Variants in GALNTL6 observed in about 807,000 individuals in gnomAD.
The protein encoded by GALNTL6 is polypeptide N-acetylgalactosaminyltransferase like 6.
GALNTL6 carries 46 observed loss-of-function variants against 73.7 expected under a neutral mutation model. The observed-to-expected ratio is 0.62, with a 90% CI of 0.49 to 0.80. The LOEUF is 0.80. Ranked by LOEUF, GALNTL6 falls within the 30% of genes least tolerant of loss-of-function variation. GALNTL6 has a pLI of 0.00. For synonymous variants in GALNTL6, 259 were observed against 263.7 expected, an observed-to-expected ratio of 0.98 and a Z score of 0.17; for missense variants, 604 against 755.0, an observed-to-expected ratio of 0.80 and a Z score of 2.34.
chr4:172,291,552 G>A (rs1293057151), intron 3 of GALNTL6, among the ~76,000 whole-genome samples: 1 of 152,034 alleles, frequency 6.6e-6, no homozygotes, highest in Non-Finnish European at 1.5e-5. Context: ...CTCTCAATAT[G>A]TAGATTTAGT....
At chr4:172,491,605 G>A (rs1733896139) in intron 5 of GALNTL6, among the ~76,000 whole-genome samples, 1 of 152,046 alleles carries the variant, frequency 6.6e-6, no homozygotes, top group Non-Finnish European at 1.5e-5. Flanking sequence ...TTGCTCTCTA[G>A]ACAAAACTCA....
intron 7 of GALNTL6, among the ~76,000 whole-genome samples, chr4:172,858,199 A>G (rs542899165): frequency 6.6e-6 from 1 of 152,214 alleles, no homozygotes; most frequent in East Asian, 1.9e-4. Context: ...AACACTTCTC[A>G]ATTTTAAACT....
chr4:172,180,607 T>A (rs1382406607), intron 2 of GALNTL6, among the ~76,000 whole-genome samples: 3 of 152,192 alleles, frequency 2.0e-5, no homozygotes, highest in Admixed American at 2.0e-4. Flanking sequence ...CTTTAATTGA[T>A]CTTGAGTTAA....
chr4:172,942,879 T>C (rs941647897), intron 9 of GALNTL6, among the ~76,000 whole-genome samples: 5 of 152,146 alleles, frequency 3.3e-5, no homozygotes, highest in Admixed American at 6.5e-5. Flanking sequence ...CTGTGGGCCA[T>C]ACATACTCAC....
intron 2 of GALNTL6, among the ~76,000 whole-genome samples, chr4:172,092,605 C>A (rs72699000): frequency 5.3e-5 from 8 of 152,066 alleles, no homozygotes; most frequent in Non-Finnish European, 8.8e-5. Context: ...AAAAAATAGT[C>A]ATTCATTTAG....
At chr4:172,171,672 T>C (rs1029962929) in intron 2 of GALNTL6, among the ~76,000 whole-genome samples, 1 of 89,130 alleles carries the variant, frequency 1.1e-5, no homozygotes, top group African/African-American at 4.4e-5. Context: ...CTATCAAAAA[T>C]ACAAAAAAAA....
intron 5 of GALNTL6, among the ~76,000 whole-genome samples, chr4:172,429,556 A>G (rs1731364195): frequency 6.6e-6 from 1 of 152,164 alleles, no homozygotes; most frequent in South Asian, 2.1e-4. Flanking sequence ...AGAGAGGTAC[A>G]CAAAACTAGA....
intron 5 of GALNTL6, among the ~76,000 whole-genome samples, chr4:172,350,771 G>T (rs11726268): frequency 0.57 from 86,688 of 151,730 alleles, 27,371 homozygotes; most frequent in South Asian, 0.72. Flanking sequence ...CCAAATTTTT[G>T]CTTTGGATTA....
chr4:171,991,443 G>C (rs1054076548), intron 2 of GALNTL6, among the ~76,000 whole-genome samples: 11 of 151,896 alleles, frequency 7.2e-5, no homozygotes, highest in African/African-American at 2.7e-4. Context: ...GTCGTTAACA[G>C]AGAGTAAGTA....
chr4:172,143,126 G>T (rs1733844028), intron 2 of GALNTL6, among the ~76,000 whole-genome samples: 1 of 152,002 alleles, frequency 6.6e-6, no homozygotes, highest in Non-Finnish European at 1.5e-5. Context: ...TGTATTTAGG[G>T]TGCTTTATGA....
intron 2 of GALNTL6, among the ~76,000 whole-genome samples, chr4:171,959,829 G>T (rs1407172774): frequency 6.6e-6 from 1 of 152,120 alleles, no homozygotes; most frequent in African/African-American, 2.4e-5. Flanking sequence ...TTTGCCTGAA[G>T]CAAATAGAAA....
intron 2 of GALNTL6, among the ~76,000 whole-genome samples, chr4:172,052,236 T>A (rs1376233406): frequency 6.7e-6 from 1 of 150,062 alleles, no homozygotes; most frequent in African/African-American, 2.5e-5. Context: ...AAATGGAACA[T>A]TCACAGTTTT....
chr4:172,161,407 A>G (rs1734462897), intron 2 of GALNTL6, among the ~76,000 whole-genome samples: 1 of 152,058 alleles, frequency 6.6e-6, no homozygotes, highest in African/African-American at 2.4e-5. Flanking sequence ...GAAAAATAAT[A>G]CAGAAGAAAT....
At chr4:171,822,308 T>C (rs904604910) in intron 2 of GALNTL6, among the ~76,000 whole-genome samples, 1 of 152,218 alleles carries the variant, frequency 6.6e-6, no homozygotes, top group Non-Finnish European at 1.5e-5. Context: ...GTTCTTCTTA[T>C]AAAAATTACA....
intron 5 of GALNTL6, among the ~76,000 whole-genome samples, chr4:172,632,607 TA>T (rs955547505): frequency 1.1e-3 from 158 of 139,350 alleles, no homozygotes; most frequent in East Asian, 4.1e-3. Flanking sequence ...GACTATGCAA[TA>T]AAAAAAAAAA....
chr4:172,696,109 C>A (rs1733674831), intron 5 of GALNTL6, among the ~76,000 whole-genome samples: 1 of 152,172 alleles, frequency 6.6e-6, no homozygotes, highest in South Asian at 2.1e-4. Flanking sequence ...TCAATCAACA[C>A]TAAGAAAACT....
At chr4:172,323,470 T>C (rs941532586) in intron 4 of GALNTL6, among the ~76,000 whole-genome samples, 6 of 152,170 alleles carry the variant, frequency 3.9e-5, no homozygotes, top group African/African-American at 1.2e-4. Context: ...TTATAACATG[T>C]TTGTCACTAC....
intron 2 of GALNTL6, among the ~76,000 whole-genome samples, chr4:172,125,200 T>C (rs1733261675): frequency 2.0e-5 from 3 of 152,190 alleles, no homozygotes; most frequent in Admixed American, 2.0e-4. Context: ...AGATAGAAAC[T>C]TGAGAAGCTT....
At chr4:172,719,561 T>G (rs1297242045) in intron 5 of GALNTL6, among the ~76,000 whole-genome samples, 7 of 152,204 alleles carry the variant, frequency 4.6e-5, no homozygotes, top group African/African-American at 1.7e-4. Flanking sequence ...AACTTCTAAA[T>G]GCAGGTAGAA....
Sources: gnomAD v4.1 joint callset for allele counts (sites outside exome capture counted in the v4.1 genomes callset) on GRCh38, gnomAD v4.1.1 for gene constraint, MANE v1.5 for transcripts, NCBI Gene and HGNC (gene_info 2026-07-23, HGNC 2026-07-21) for gene names.